SLC35F1: variants seen among roughly 807,000 people sequenced by gnomAD.
SLC35F1 encodes the protein solute carrier family 35 member F1, also known as chromosome 6 open reading frame 169.
A neutral mutation model predicts 48.7 loss-of-function variants in SLC35F1; 14 were observed. That is an observed-to-expected ratio of 0.29 (90% CI 0.19 to 0.45). SLC35F1 has a LOEUF of 0.45. Among genes scored for constraint, SLC35F1 ranks in the 20% least tolerant of loss-of-function variants. The pLI is 1.00. For missense variants in SLC35F1, 404 were observed against 500.0 expected (o/e 0.81, Z 1.83); for synonymous variants, 190 against 202.2 (o/e 0.94, Z 0.51).
intron 3 of SLC35F1, among the ~76,000 whole-genome samples, chr6:118,246,696 A>G (rs1373145758): frequency 6.6e-6 from 1 of 152,128 alleles, no homozygotes; most frequent in Admixed American, 6.5e-5. Flanking sequence ...CTGAGCATCA[A>G]TTTTCTCACC....
chr6:118,108,645 C>T (rs1368138192), intron 1 of SLC35F1, among the ~76,000 whole-genome samples: 1 of 152,100 alleles, frequency 6.6e-6, no homozygotes, highest in Non-Finnish European at 1.5e-5. Flanking sequence ...AGTTGTTTCC[C>T]TGAAATACCT....
intron 1 of SLC35F1, among the ~76,000 whole-genome samples, chr6:117,973,396 G>C (rs905621703): frequency 6.6e-6 from 1 of 152,056 alleles, no homozygotes; most frequent in Non-Finnish European, 1.5e-5. Context: ...CATAATGACT[G>C]ATTTATGTAT....
At chr6:118,264,056 C>T (rs1372370742) in intron 3 of SLC35F1, among the ~76,000 whole-genome samples, 4 of 152,208 alleles carry the variant, frequency 2.6e-5, no homozygotes, top group Non-Finnish European at 5.9e-5. Context: ...CATCATTTCA[C>T]CTCTTAGGAC....
At chr6:117,925,788 C>T (rs112544319) in intron 1 of SLC35F1, among the ~76,000 whole-genome samples, 1 of 151,970 alleles carries the variant, frequency 6.6e-6, no homozygotes, top group African/African-American at 2.4e-5. Context: ...AGAATGGGCT[C>T]TATGGTAGGT....
At chr6:118,055,056 C>T (rs1029867935) in intron 1 of SLC35F1, among the ~76,000 whole-genome samples, 4 of 152,014 alleles carry the variant, frequency 2.6e-5, no homozygotes, top group East Asian at 3.9e-4. Context: ...ATTACAGGTG[C>T]GAGCCACCGT....
chr6:118,158,163 G>C (rs1286946630), intron 2 of SLC35F1, among the ~76,000 whole-genome samples: 1 of 152,122 alleles, frequency 6.6e-6, no homozygotes, highest in African/African-American at 2.4e-5. Flanking sequence ...TAAGTTTGCT[G>C]GCATGTCTTC....
At chr6:118,029,964 G>C (rs1362984716) in intron 1 of SLC35F1, among the ~76,000 whole-genome samples, 1 of 152,158 alleles carries the variant, frequency 6.6e-6, no homozygotes, top group Non-Finnish European at 1.5e-5. Context: ...GAGAAGTAAT[G>C]TCAGTAAACT....
chr6:117,950,758 T>G (rs749107717), intron 1 of SLC35F1, among the ~76,000 whole-genome samples: 1 of 152,200 alleles, frequency 6.6e-6, no homozygotes, highest in South Asian at 2.1e-4. Context: ...GTATTGAACA[T>G]TAACAGTAAA....
intron 1 of SLC35F1, among the ~76,000 whole-genome samples, chr6:118,065,145 T>A (rs918379079): frequency 3.3e-5 from 5 of 152,174 alleles, no homozygotes; most frequent in Admixed American, 3.3e-4. Context: ...TCTAGATTAG[T>A]GTTGCATCCA....
chr6:118,037,101 T>G (rs1353563599), intron 1 of SLC35F1, among the ~76,000 whole-genome samples: 1 of 152,236 alleles, frequency 6.6e-6, no homozygotes, highest in Non-Finnish European at 1.5e-5. Context: ...ATATTTTATC[T>G]GATATTAATA....
rs562526568 is a variant in SLC35F1, at chr6:118,157,438, A to G, written c.349+2818A>G. 4.6e-5 allele frequency among the ~76,000 whole-genome samples: 7 copies of G among 152,288 alleles called. No homozygotes were observed. The East Asian group carries it at 1.4e-3, about 29-fold the overall frequency. ...CAGGACTAATAGGATAGATGTATAT[A>G]TGAAAGGGAGTTTATTAAGGAGTAT... is the stretch of plus-strand genomic sequence containing the variant. On this transcript the variant is annotated intron_variant, in intron 2 of 7. Transcript: ENST00000360388.
chr6:118,209,953 G>A (rs142680279), intron 2 of SLC35F1, among the ~76,000 whole-genome samples: 79 of 152,282 alleles, frequency 5.2e-4, no homozygotes, highest in Admixed American at 8.5e-4. Flanking sequence ...TGATTTGTAC[G>A]TTTGCTATTC....
chr6:117,930,728 G>T (rs930569981), intron 1 of SLC35F1, among the ~76,000 whole-genome samples: 1 of 152,108 alleles, frequency 6.6e-6, no homozygotes, highest in South Asian at 2.1e-4. Flanking sequence ...GGCTATTGGC[G>T]GGCAGGCAGG....
intron 6 of SLC35F1, among the ~76,000 whole-genome samples, chr6:118,281,968 T>G (rs1416400403): frequency 1.3e-5 from 2 of 152,222 alleles, no homozygotes; most frequent in Non-Finnish European, 2.9e-5. Flanking sequence ...CTGATAATAG[T>G]ATTTCCCATC....
chr6:118,192,751 A>C (rs995403673), intron 2 of SLC35F1, among the ~76,000 whole-genome samples: 2 of 152,140 alleles, frequency 1.3e-5, no homozygotes, highest in African/African-American at 4.8e-5. Flanking sequence ...TTTTATTTTG[A>C]CAATGCTTCC....
intron 7 of SLC35F1, among the ~76,000 whole-genome samples, chr6:118,313,230 T>C (rs1776391544): frequency 6.6e-6 from 1 of 152,210 alleles, no homozygotes; most frequent in African/African-American, 2.4e-5. Context: ...CCATACTCTT[T>C]CCCCAGTAAC....
At position 118,297,915 on chromosome 6, in the gene SLC35F1, G is replaced by A. The variant is rs370672962; in HGVS notation, c.1002+12577G>A. Among the ~76,000 whole-genome samples the A allele has an allele frequency of 5.2e-4, 79 of 151,600 alleles. 1 individual carries two copies. Among genetic ancestry groups the A allele is most frequent in the Non-Finnish European group, 2.4e-4 (16 of 67,942 alleles). On this transcript the variant is annotated intron_variant, in intron 7 of 7. Transcript: ENST00000360388. ...TGGGAGGTGTTTGGGTCATGAGGGC[G>A]GATTCCTCGTGAATGGCTTGGTGCC...
At chr6:118,273,244 G>T (rs532442015) in intron 4 of SLC35F1, among the ~76,000 whole-genome samples, 2 of 152,072 alleles carry the variant, frequency 1.3e-5, no homozygotes, top group Non-Finnish European at 2.9e-5. Flanking sequence ...ACAGTGTGGC[G>T]TTTGAAAAAT....
chr6:118,091,338 G>A (rs1253099227), intron 1 of SLC35F1, among the ~76,000 whole-genome samples: 1 of 152,196 alleles, frequency 6.6e-6, no homozygotes, highest in African/African-American at 2.4e-5. Context: ...GAGGGACCCA[G>A]TTGGAGGTAA....
Sources: allele counts gnomAD v4.1 joint callset (sites outside exome capture counted in the v4.1 genomes callset), GRCh38; gene constraint gnomAD v4.1.1; transcripts MANE v1.5; gene names NCBI Gene and HGNC (gene_info 2026-07-23, HGNC 2026-07-21).